The following DDX25 variants were observed in gnomAD, a reference collection of about 807,000 sequenced individuals.
DDX25 encodes the protein DEAD-box helicase 25.
Under a neutral mutation model 64.6 loss-of-function variants are expected in DDX25, and 70 were observed. The observed-to-expected ratio is 1.08, with a 90% CI of 0.89 to 1.32. The LOEUF is 1.32. Among genes scored for constraint, DDX25 ranks in the 40% most tolerant of loss-of-function variants. The probability of loss-of-function intolerance (pLI) is 0.00; values close to 1 mark genes in which losing one functional copy is unlikely to be tolerated. For missense variants in DDX25, 587 were observed against 604.4 expected (o/e 0.97, Z 0.30); for synonymous variants, 211 against 213.3 (o/e 0.99, Z 0.09).
chr11:125,922,217 A>G (rs1412713415), intron 11 of DDX25: 1 of 152,164 alleles, frequency 6.6e-6, no homozygotes, highest in African/African-American at 2.4e-5. Context: ...TGGAAACTCA[A>G]AAGGTCCCAT....
Position 125,919,396 on chromosome 11 carries a change from A to G in DDX25, c.1201+606A>G, listed in dbSNP as rs1226082216. On this transcript the variant is annotated intron_variant, in intron 10 of 11. Transcript: ENST00000263576. ...CTTCCAGTTGCTCTGCATTCTTGCCAGCAATTGCTAACGTCACTCTTAATT... is the reference window on the plus strand; with the variant it reads ...CTTCCAGTTGCTCTGCATTCTTGCCGGCAATTGCTAACGTCACTCTTAATT... Among the ~76,000 whole-genome samples the G allele has an allele frequency of 2.6e-5, 4 of 152,274 alleles. No homozygotes were observed. In the East Asian group the frequency reaches 7.7e-4, roughly 29 times the overall value.
At chr11:125,907,884 T>C (rs1944915541) in intron 4 of DDX25, among the ~76,000 whole-genome samples, 1 of 152,236 alleles carries the variant, frequency 6.6e-6, no homozygotes, top group Non-Finnish European at 1.5e-5. Context: ...TATAACTCTC[T>C]TGGCAAGCAG....
chr11:125,908,179 A>ATT lies in DDX25; in HGVS notation c.312-7_312-6dup. The ATT allele has an allele frequency of 6.9e-7, 1 of 1,439,080 alleles. No homozygotes were observed. The highest frequency in any genetic ancestry group is 9.5e-7 in the Non-Finnish European group (1 of 1,057,196). The allele number at this position is 1,439,080 out of a possible 1,614,324, so 89.1% of individuals were successfully genotyped here. A position where few individuals can be genotyped will look rare whatever the true frequency, so the allele number is the denominator to read the frequency against. Reference sequence around the variant, plus strand: ...ACCAACTATAATCTGTAAGTGTTTGATTTTTTTTTTTGACAGAAAGGAAGA... The same window carrying ATT: ...ACCAACTATAATCTGTAAGTGTTTGATTTTTTTTTTTTTGACAGAAAGGAAGA... On this transcript the variant is annotated splice_polypyrimidine_tract_variant and intron_variant, in intron 4 of 11. Transcript: ENST00000263576.
intron 3 of DDX25, 22 bp downstream of exon 3, chr11:125,905,619 A>G: frequency 1.3e-6 from 2 of 1,544,944 alleles, no homozygotes; most frequent in Non-Finnish European, 8.8e-7. Flanking sequence ...ATTCATTTGC[A>G]TGTATCTACT....
intron 11 of DDX25, chr11:125,922,099 GGAAA>G (rs1257064369): frequency 6.6e-6 from 1 of 152,066 alleles, no homozygotes; most frequent in African/African-American, 2.4e-5. Context: ...CTCCCAAACA[GGAAA>G]GTCCTAAATT....
rs1373135706 is a variant in DDX25, at chr11:125,910,367, C to T, written c.511C>T (p.Leu171Phe). The change falls in exon 7 of 12, where the codon CTC becomes TTC. Residue 171 changes from leucine to phenylalanine, a missense_variant. Transcript: ENST00000263576. ...VNALELFPQC[L>F]CLAPTYELAL... Reference sequence around the variant, plus strand: ...CTCTTCTCTCTCTATCCCACAGTGCCTCTGCCTAGCTCCTACTTATGAATT... The same window carrying T: ...CTCTTCTCTCTCTATCCCACAGTGCTTCTGCCTAGCTCCTACTTATGAATT... 2.5e-6 allele frequency: 4 copies of T among 1,613,764 alleles called. No homozygotes were observed. Among genetic ancestry groups the T allele is most frequent in the East Asian group, 2.2e-5 (1 of 44,878 alleles).
intron 1 of DDX25, 151 bp downstream of exon 1, chr11:125,904,731 G>A: frequency 4.2e-6 from 4 of 960,622 alleles, no homozygotes; most frequent in Non-Finnish European, 6.3e-6. Flanking sequence ...TTGGAAGAGG[G>A]CCACAGAGGG....
rs1332591395 is a variant in DDX25 at position 125,922,886 on chromosome 11, A to T, written c.*5A>T. On this transcript the variant is annotated 3_prime_UTR_variant, in exon 12 of 12. Coordinates refer to ENST00000263576, the MANE Select transcript of DDX25 (RefSeq NM_013264.5). Reference sequence around the variant, plus strand: ...ATTGAAAAGATTGACTATTGAAGAAAGAACTTTATTGTTTGTGCAGTATCC... The same window carrying T: ...ATTGAAAAGATTGACTATTGAAGAATGAACTTTATTGTTTGTGCAGTATCC... 6.2e-7 allele frequency: 1 copy of T among 1,603,476 alleles called. No individual in the cohort carries two copies. The highest frequency in any genetic ancestry group is 8.5e-7 in the Non-Finnish European group (1 of 1,174,140).
chr11:125,917,225 A>C lies in DDX25; in HGVS notation c.1012A>C (p.Ile338Leu). 1.2e-6 allele frequency: 2 copies of C among 1,608,178 alleles called. No individual in the cohort carries two copies. Among genetic ancestry groups the C allele is most frequent in the Non-Finnish European group, 1.7e-6 (2 of 1,177,542 alleles). ...GTGCAACATTTATGGCAGCATCACC[A>C]TTGGTCAGGCCATCATCTTCTGCCA... ...ALCNIYGSIT[I>L]GQAIIFCQTR... Residue 338 changes from isoleucine (I) to leucine (L), a missense_variant, in exon 9 of 12, where the codon ATT (isoleucine) becomes CTT (leucine). Transcript: ENST00000263576.
chr11:125,916,049 G>A (rs190615672), intron 8 of DDX25, among the ~76,000 whole-genome samples: 13 of 152,220 alleles, frequency 8.5e-5, no homozygotes, highest in South Asian at 2.1e-4. Context: ...GAGGTCTATC[G>A]GATTGTTGTT....
rs1325474181 is a variant in DDX25 at position 125,925,182 on chromosome 11, G to A, written c.*2301G>A. 2 of 329,178 alleles carry A rather than the reference G, an allele frequency of 6.1e-6. No homozygotes were observed. The highest frequency in any genetic ancestry group is 2.2e-5 in the African/African-American group (1 of 46,298). 20.4% of individuals were successfully genotyped at this position (329,178 alleles called of 1,614,324 possible). ...ACCGTGCTCAGCTCCGCCTTGGGGT[G>A]TCCTAAATAAAACTTTACCACTTTC... is the stretch of plus-strand genomic sequence containing the variant. On this transcript the variant is annotated 3_prime_UTR_variant, in exon 12 of 12. Transcript: ENST00000263576.
chr11:125,920,517 A>G (rs1329595879), intron 10 of DDX25, among the ~76,000 whole-genome samples: 1 of 152,214 alleles, frequency 6.6e-6, no homozygotes, highest in African/African-American at 2.4e-5. Context: ...GGAAATGGCC[A>G]GACCTTGACT....
In DDX25 at chr11:125,904,756, C is replaced by A. The variant is rs1201337762; in HGVS notation, c.63+176C>A. The A allele has an allele frequency of 5.1e-6, 4 of 788,260 alleles. No individual in the cohort carries two copies. The East Asian group carries it at 1.1e-4, about 23-fold the overall frequency. 48.8% of individuals were successfully genotyped at this position (788,260 alleles called of 1,614,324 possible). ...GCCACAGAGGGAGACCCCGTCCCCACCCCCACGAGAGGCAAGACCTTTGGT... is the reference window on the plus strand; with the variant it reads ...GCCACAGAGGGAGACCCCGTCCCCAACCCCACGAGAGGCAAGACCTTTGGT... On this transcript the variant is annotated intron_variant, in intron 1 of 11. Transcript: ENST00000263576.
At chr11:125,906,649 A>G (rs1203796607) in intron 4 of DDX25, among the ~76,000 whole-genome samples, 1 of 151,672 alleles carries the variant, frequency 6.6e-6, no homozygotes, top group Non-Finnish European at 1.5e-5. Context: ...GACATGGGAA[A>G]ACCCCCTCTC....
At chr11:125,918,339 A>AT (rs1945066095) in intron 9 of DDX25, among the ~76,000 whole-genome samples, 1 of 152,210 alleles carries the variant, frequency 6.6e-6, no homozygotes, top group Non-Finnish European at 1.5e-5. Flanking sequence ...GTTACATGAT[A>AT]TCATTTTGTC....
At position 125,921,028 on chromosome 11, in the gene DDX25, C is replaced by A. The variant is rs1945106934; in HGVS notation, c.1202-163C>A. The A allele has an allele frequency of 1.5e-6, 1 of 659,298 alleles. No homozygotes were observed. Among genetic ancestry groups the A allele is most frequent in the Non-Finnish European group, 2.5e-6 (1 of 395,890 alleles). The allele number at this position is 659,298 out of a possible 1,614,324, so 40.8% of individuals were successfully genotyped here. A position where few individuals can be genotyped will look rare whatever the true frequency, so the allele number is the denominator to read the frequency against. Reference sequence around the variant, plus strand: ...CTAGCATCATAGACATCACAGCATGCAAGCAAACTTCCTAACCAAAGTACC... The same window carrying A: ...CTAGCATCATAGACATCACAGCATGAAAGCAAACTTCCTAACCAAAGTACC... On this transcript the variant is annotated intron_variant, in intron 10 of 11. Transcript: ENST00000263576. The surrounding 1 kb of genome is among the most constrained non-coding windows in gnomAD (Gnocchi z 4.1).
In DDX25 at chr11:125,920,207, C is replaced by T. The variant is rs112954310; in HGVS notation, c.1202-984C>T. Reference sequence around the variant, plus strand: ...ATCCCAACACTTTGGGAGGCCGAGGCGGGTGGATTGCTTAAGGTCAGGAGT... The same window carrying T: ...ATCCCAACACTTTGGGAGGCCGAGGTGGGTGGATTGCTTAAGGTCAGGAGT... On this transcript the variant is annotated intron_variant, in intron 10 of 11. Transcript: ENST00000263576. Among the ~76,000 whole-genome samples the T allele has an allele frequency of 1.4e-3, 213 of 152,234 alleles. 1 individual carries two copies. Among genetic ancestry groups the T allele is most frequent in the African/African-American group, 4.9e-3 (202 of 41,544 alleles).
intron 4 of DDX25, among the ~76,000 whole-genome samples, chr11:125,906,416 AG>A (rs911980226): frequency 3.3e-5 from 5 of 151,872 alleles, no homozygotes; most frequent in African/African-American, 1.2e-4. Context: ...TACAGGTTCA[AG>A]CGATTCTCCT....
At position 125,928,804 on chromosome 11, in the gene DDX25, CAAATA is replaced by C. The variant is rs971508575; in HGVS notation, c.*5931_*5935del. On this transcript the variant is annotated 3_prime_UTR_variant, in exon 12 of 12. Coordinates refer to ENST00000263576, the MANE Select transcript of DDX25 (RefSeq NM_013264.5). ...AAATATATGTGTGAATTTATTTTTCCAAATAAAATAAAGACATTAACCTTCTATTT... is the reference window on the plus strand; with the variant it reads ...AAATATATGTGTGAATTTATTTTTCCAAATAAAGACATTAACCTTCTATTT... 2.6e-5 allele frequency: 4 copies of C among 152,026 alleles called. No individual in the cohort carries two copies. The highest frequency in any genetic ancestry group is 6.5e-5 in the Admixed American group (1 of 15,268). The allele number at this position is 152,026 out of a possible 1,614,324, so 9.4% of individuals were successfully genotyped here.
Sources: allele counts gnomAD v4.1 joint callset (sites outside exome capture counted in the v4.1 genomes callset), GRCh38; gene constraint gnomAD v4.1.1; non-coding constraint Gnocchi (gnomAD v3.1); transcripts MANE v1.5; gene names NCBI Gene and HGNC (gene_info 2026-07-23, HGNC 2026-07-21).